Variants in USP34 observed in about 807,000 individuals in gnomAD.
USP34 encodes ubiquitin specific peptidase 34.
USP34 carries 70 observed loss-of-function variants against 460.3 expected under a neutral mutation model. The observed-to-expected ratio is 0.15, with a 90% confidence interval of 0.13 to 0.19. USP34 has a LOEUF of 0.19. Ranked by LOEUF, USP34 falls within the 10% of genes least tolerant of loss-of-function variation. The pLI is 1.00. For synonymous variants in USP34, 1,647 were observed against 1,405.3 expected (o/e 1.17, Z -3.85); for missense variants, 3,985 against 4,236.2 (o/e 0.94, Z 1.65).
chr2:61,394,045 C>G (rs1239463252), intron 5 of USP34, among the ~76,000 whole-genome samples: 1 of 151,882 alleles, frequency 6.6e-6, no homozygotes, highest in Non-Finnish European at 1.5e-5. Context: ...CGCTTGAACC[C>G]AGGAGGCGGA....
At chr2:61,362,570 A>T (rs1485153776) in intron 10 of USP34, among the ~76,000 whole-genome samples, 3 of 152,222 alleles carry the variant, frequency 2.0e-5, no homozygotes, top group Non-Finnish European at 2.9e-5. Flanking sequence ...AAAGAGAGAT[A>T]AATGCTGCAT....
intron 20 of USP34, among the ~76,000 whole-genome samples, chr2:61,328,652 A>G (rs1243678661): frequency 6.6e-6 from 1 of 152,210 alleles, no homozygotes; most frequent in East Asian, 1.9e-4. Flanking sequence ...CCCTAAAAAC[A>G]CATCTCCAAG....
In USP34 at chr2:61,372,296, T is replaced by C. The variant is rs182958461; in HGVS notation, c.1077-1717A>G. On this transcript the variant is annotated intron_variant, in intron 8 of 79. Transcript: ENST00000398571. ...GTAAAACATTAAAAATAAAACTAGG[T>C]ATATTTTACCTATTTCTGAGTAGCC... Among the ~76,000 whole-genome samples the C allele has an allele frequency of 2.8e-3, 422 of 152,178 alleles. 1 individual carries two copies. Among genetic ancestry groups the C allele is most frequent in the African/African-American group, 9.5e-3 (393 of 41,528 alleles).
intron 20 of USP34, among the ~76,000 whole-genome samples, chr2:61,328,901 T>C (rs1447637738): frequency 2.0e-5 from 3 of 152,248 alleles, no homozygotes; most frequent in African/African-American, 7.2e-5. Flanking sequence ...ACAGCTGTGG[T>C]GGGAGCTCTT....
chr2:61,361,614 A>G (rs555771412), intron 10 of USP34, among the ~76,000 whole-genome samples: 1 of 133,908 alleles, frequency 7.5e-6, no homozygotes, highest in African/African-American at 2.6e-5. Context: ...CCACATACAG[A>G]ATGAAACTGG....
chr2:61,283,172 T>C lies in USP34; in HGVS notation c.4971A>G (p.Leu1657=), dbSNP rs1046073914. The C allele has an allele frequency of 3.7e-6, 6 of 1,613,428 alleles. No individual in the cohort carries two copies. The African/African-American group carries it at 6.7e-5, about 18-fold the overall frequency. The stretch of plus-strand genomic sequence containing the variant: ...CAGGAATAAGGAGAGTCAATTTCTT[T>C]AGCCAATCTTGTAAATGATCGCTAT... The part of the protein sequence containing the change: ...LADSDHLQDW[L]KKLTLLIPET... Residue 1657 remains leucine, a synonymous_variant, in exon 37 of 80, where the codon CTA becomes CTG. Transcript: ENST00000398571.
At position 61,204,346 on chromosome 2, in the gene USP34, A is replaced by G; in HGVS notation, c.9294T>C (p.Asn3098=). The change falls in exon 74 of 80, where the codon AAT becomes AAC. Residue 3098 remains asparagine (N), a synonymous_variant. Coordinates refer to ENST00000398571, the MANE Select transcript of USP34 (RefSeq NM_014709.4). ...TGCTTTTCCCTCCTATTAGCTTGAT[A>G]TTTTCTCGACAAGGGAAATAAGGTC... ...SLGPYFPCRE[N]IKLIGGKSNI... is the part of the protein sequence containing the mutation. The G allele has an allele frequency of 3.1e-6, 5 of 1,614,166 alleles. No homozygotes were observed. Among genetic ancestry groups the G allele is most frequent in the Non-Finnish European group, 4.2e-6 (5 of 1,180,018 alleles).
At chr2:61,193,949 T>C (rs142915767) in intron 75 of USP34, 5 of 263,218 alleles carry the variant, frequency 1.9e-5, no homozygotes, top group Non-Finnish European at 2.9e-5. Context: ...AGTAAAACTT[T>C]ACAAACACTG....
chr2:61,261,309 T>G (rs533837680), intron 43 of USP34, among the ~76,000 whole-genome samples: 2 of 152,176 alleles, frequency 1.3e-5, no homozygotes, highest in African/African-American at 4.8e-5. Context: ...TACAATAAAT[T>G]ATAATTCAGC....
chr2:61,406,137 G>A lies in USP34; in HGVS notation c.132-9C>T, dbSNP rs778621979. On this transcript the variant is annotated splice_polypyrimidine_tract_variant and intron_variant, in intron 2 of 79. Transcript: ENST00000398571. ...AGCAGCATAGACATTGCCTATAAGAGAAAAAAAATTGAATAAATTAGTAAT... is the reference window on the plus strand; with the variant it reads ...AGCAGCATAGACATTGCCTATAAGAAAAAAAAAATTGAATAAATTAGTAAT... 10 of 1,504,336 alleles carry A rather than the reference G, an allele frequency of 6.6e-6. No individual in the cohort carries two copies. Among genetic ancestry groups the A allele is most frequent in the Admixed American group, 2.4e-5 (1 of 41,170 alleles). The allele number at this position is 1,504,336 out of a possible 1,614,324, so 93.2% of individuals were successfully genotyped here. A position where few individuals can be genotyped will look rare whatever the true frequency, so the allele number is the denominator to read the frequency against.
chr2:61,260,687 A>G (rs573545947), intron 43 of USP34, among the ~76,000 whole-genome samples: 151 of 152,368 alleles, frequency 9.9e-4, no homozygotes, highest in Non-Finnish European at 1.6e-3. Context: ...AATTGGCAAA[A>G]TAATTCCAGT....
At chr2:61,448,990 C>T (rs1159597704) in intron 1 of USP34, among the ~76,000 whole-genome samples, 1 of 152,030 alleles carries the variant, frequency 6.6e-6, no homozygotes, top group Non-Finnish European at 1.5e-5. Flanking sequence ...CCTGTCTCTA[C>T]TAAAAATATA....
intron 41 of USP34, among the ~76,000 whole-genome samples, chr2:61,277,409 G>A (rs1030665457): frequency 7.9e-5 from 12 of 151,940 alleles, no homozygotes; most frequent in Middle Eastern, 3.4e-3. Context: ...GCAAATTTTT[G>A]TATTTTCTGT....
chr2:61,189,125 T>G, intron 78 of USP34, 56 bp from the exon 79 acceptor site: 2 of 1,546,754 alleles, frequency 1.3e-6, no homozygotes. Context: ...TTTGATGCAG[T>G]TGTTTACAGT....
intron 25 of USP34, among the ~76,000 whole-genome samples, chr2:61,312,158 C>T (rs570960578): frequency 1.3e-5 from 2 of 151,050 alleles, no homozygotes; most frequent in Admixed American, 6.6e-5. Flanking sequence ...AAAAAATCTC[C>T]TTAAGGCCAG....
At chr2:61,326,332 G>C (rs373055521) in intron 20 of USP34, among the ~76,000 whole-genome samples, 4 of 151,944 alleles carry the variant, frequency 2.6e-5, no homozygotes, top group African/African-American at 9.7e-5. Flanking sequence ...CTTAGCCTCC[G>C]GAGTAGCTGG....
chr2:61,443,313 GATAA>G (rs372932684), intron 1 of USP34, among the ~76,000 whole-genome samples: 5 of 152,088 alleles, frequency 3.3e-5, no homozygotes, highest in Non-Finnish European at 5.9e-5. Flanking sequence ...GCAAAAAAGG[GATAA>G]ATGTTTGAGA....
chr2:61,412,886 CAAAA>C (rs10717013), intron 2 of USP34, among the ~76,000 whole-genome samples: 1 of 72,658 alleles, frequency 1.4e-5, no homozygotes, highest in Non-Finnish European at 2.8e-5. Flanking sequence ...AATCCCATCT[CAAAA>C]AAAAAAAAAA....
chr2:61,291,758 C>G (rs2103978139), intron 33 of USP34, among the ~76,000 whole-genome samples: 1 of 151,974 alleles, frequency 6.6e-6, no homozygotes, highest in East Asian at 1.9e-4. Context: ...TAAGCATATG[C>G]CAAAAAGAAG....
Sources: gnomAD v4.1 joint callset for allele counts (sites outside exome capture counted in the v4.1 genomes callset) on GRCh38, gnomAD v4.1.1 for gene constraint, MANE v1.5 for transcripts, NCBI Gene and HGNC (gene_info 2026-07-23, HGNC 2026-07-21) for gene names.